YES1: variants seen among roughly 807,000 people sequenced by gnomAD.
YES1 encodes YES proto-oncogene 1, Src family tyrosine kinase, also known as tyrosine-protein kinase Yes.
Under a neutral mutation model 70.4 loss-of-function variants are expected in YES1, and 39 were observed. The observed-to-expected ratio is 0.55, with a 90% CI of 0.43 to 0.72. The LOEUF (loss-of-function observed/expected upper bound fraction) is 0.72, where lower values mean the gene tolerates loss of function less well. Among genes scored for constraint, YES1 ranks in the 30% least tolerant of loss-of-function variants. The pLI is 0.00. For missense variants in YES1, 495 were observed against 644.8 expected (o/e 0.77, Z 2.52); for synonymous variants, 198 against 218.6 (o/e 0.91, Z 0.83).
chr18:786,520 C>CAT (rs962800126), intron 1 of YES1, among the ~76,000 whole-genome samples: 2 of 151,732 alleles, frequency 1.3e-5, no homozygotes, highest in Admixed American at 1.3e-4. Flanking sequence ...CACACACACA[C>CAT]ACACACACAC....
At chr18:766,112 GA>G (rs1444262046) in intron 1 of YES1, among the ~76,000 whole-genome samples, 1 of 152,168 alleles carries the variant, frequency 6.6e-6, no homozygotes, top group Non-Finnish European at 1.5e-5. Flanking sequence ...AAAGAACTGT[GA>G]TTTTGTTGAT....
intron 4 of YES1, 26 bp from the exon 5 acceptor site, chr18:746,077 T>C (rs375843651): frequency 1.9e-6 from 3 of 1,566,130 alleles, no homozygotes; most frequent in East Asian, 2.3e-5. Flanking sequence ...GTGTTTTGAA[T>C]TGAAAAGTAT....
chr18:736,752 G>C, intron 10 of YES1, 56 bp downstream of exon 10: 7 of 1,576,036 alleles, frequency 4.4e-6, no homozygotes, highest in Non-Finnish European at 6.0e-6. Flanking sequence ...GTATAGTCAA[G>C]AGAGTTAAGC....
chr18:737,818 C>T (rs1324634197), intron 9 of YES1, among the ~76,000 whole-genome samples: 2 of 152,174 alleles, frequency 1.3e-5, no homozygotes, highest in East Asian at 3.9e-4. Flanking sequence ...CTTCTGGGCT[C>T]AAGCAATTTT....
chr18:812,066 C>T, intron 1 of YES1, 48 bp downstream of exon 1: 1 of 156,310 alleles, frequency 6.4e-6, no homozygotes, highest in Non-Finnish European at 1.4e-5. Flanking sequence ...TAGCCCTGTC[C>T]GGGCAGAGGT....
chr18:730,467 C>A (rs2145671747), intron 11 of YES1, among the ~76,000 whole-genome samples: 1 of 152,010 alleles, frequency 6.6e-6, no homozygotes, highest in Middle Eastern at 3.4e-3. Flanking sequence ...ACCTTAGCCT[C>A]CCAAAGTGCT....
chr18:731,362 G>A (rs899322581), intron 11 of YES1, among the ~76,000 whole-genome samples: 1 of 152,130 alleles, frequency 6.6e-6, no homozygotes, highest in Non-Finnish European at 1.5e-5. Context: ...GAGGACAATG[G>A]TGAGTCATTA....
At chr18:764,695 T>G (rs909482223) in intron 1 of YES1, among the ~76,000 whole-genome samples, 1 of 152,158 alleles carries the variant, frequency 6.6e-6, no homozygotes, top group Non-Finnish European at 1.5e-5. Flanking sequence ...AGAGATAGAT[T>G]AAACAAAAAT....
chr18:733,475 T>C (rs1034917989), intron 10 of YES1, among the ~76,000 whole-genome samples: 3 of 152,130 alleles, frequency 2.0e-5, no homozygotes, highest in Non-Finnish European at 4.4e-5. Context: ...TGCTAATCAC[T>C]ATGGAAACCT....
intron 1 of YES1, among the ~76,000 whole-genome samples, chr18:805,662 T>G (rs1907061940): frequency 6.6e-6 from 1 of 152,216 alleles, no homozygotes; most frequent in Non-Finnish European, 1.5e-5. Flanking sequence ...AGTCCTTTCC[T>G]TATAACACCA....
At chr18:770,286 AAG>A (rs1157259207) in intron 1 of YES1, among the ~76,000 whole-genome samples, 3 of 141,266 alleles carry the variant, frequency 2.1e-5, no homozygotes, top group African/African-American at 8.0e-5. Flanking sequence ...TTTTTTTTTT[AAG>A]AGTTTTTAAG....
chr18:779,776 A>G (rs1905560884), intron 1 of YES1, among the ~76,000 whole-genome samples: 1 of 152,194 alleles, frequency 6.6e-6, no homozygotes, highest in South Asian at 2.1e-4. Flanking sequence ...AAATTACAGT[A>G]AACAATTAGA....
chr18:763,678 T>C (rs375279994), intron 1 of YES1, among the ~76,000 whole-genome samples: 57 of 126,504 alleles, frequency 4.5e-4, no homozygotes, highest in African/African-American at 1.7e-3. Context: ...CACTCCATCC[T>C]GGATGACAGA....
At chr18:742,776 A>C in intron 8 of YES1, 142 bp downstream of exon 8, 1 of 575,094 alleles carries the variant, frequency 1.7e-6, no homozygotes, top group Non-Finnish European at 2.7e-6. Context: ...CTATTCCATT[A>C]AACAAAGTGT....
intron 1 of YES1, among the ~76,000 whole-genome samples, chr18:764,217 G>A (rs1411931443): frequency 1.3e-5 from 2 of 152,034 alleles, no homozygotes; most frequent in Admixed American, 1.3e-4. Flanking sequence ...TGACTCCAAA[G>A]TTTCCAGTTT....
intron 9 of YES1, 120 bp from the exon 10 acceptor site, chr18:737,081 T>C (rs928662953): frequency 1.8e-5 from 15 of 837,338 alleles, no homozygotes; most frequent in Admixed American, 2.9e-5. Context: ...AAGGAGATGA[T>C]GGTAACAGGG....
At chr18:802,902 T>C (rs2145837088) in intron 1 of YES1, among the ~76,000 whole-genome samples, 1 of 151,910 alleles carries the variant, frequency 6.6e-6, no homozygotes, top group Admixed American at 6.6e-5. Flanking sequence ...GGCAACAAGG[T>C]GAAACCCTGT....
At chr18:727,822 C>G (rs1276681088) in intron 11 of YES1, among the ~76,000 whole-genome samples, 1 of 152,090 alleles carries the variant, frequency 6.6e-6, no homozygotes, top group African/African-American at 2.4e-5. Context: ...TTCCCCAAAG[C>G]ACTTTAAAGG....
chr18:792,380 TAAAG>T (rs1906297373), intron 1 of YES1, among the ~76,000 whole-genome samples: 1 of 151,640 alleles, frequency 6.6e-6, no homozygotes, highest in Non-Finnish European at 1.5e-5. Flanking sequence ...AAATAAAAAA[TAAAG>T]AAGTCAGGTG....
Sources: gnomAD v4.1 joint callset for allele counts (sites outside exome capture counted in the v4.1 genomes callset) on GRCh38, gnomAD v4.1.1 for gene constraint, MANE v1.5 for transcripts, NCBI Gene and HGNC (gene_info 2026-07-23, HGNC 2026-07-21) for gene names.